Variants in MACROD2 observed in about 807,000 individuals in gnomAD.
MACROD2 encodes the protein ADP-ribose glycohydrolase MACROD2.
Under a neutral mutation model 70.4 loss-of-function variants are expected in MACROD2, and 36 were observed. That is an observed-to-expected ratio of 0.51 (90% CI 0.39 to 0.68). The LOEUF (loss-of-function observed/expected upper bound fraction) is 0.68, where lower values mean the gene tolerates loss of function less well. MACROD2 is among the 30% of genes least tolerant of loss of function. The pLI, the probability that MACROD2 is intolerant of heterozygous loss-of-function variation, is 0.00. For synonymous variants in MACROD2, 172 were observed against 178.8 expected, an observed-to-expected ratio of 0.96 and a Z score of 0.30; for missense variants, 496 against 538.4, an observed-to-expected ratio of 0.92 and a Z score of 0.78.
At chr20:14,850,301 A>G (rs999906205) in intron 5 of MACROD2, 4 of 169,756 alleles carry the variant, frequency 2.4e-5, no homozygotes, top group Non-Finnish European at 5.1e-5. Flanking sequence ...ATTCTGAGGA[A>G]TGTTCATAAA....
At chr20:14,714,574 T>C (rs2071376196) in intron 5 of MACROD2, among the ~76,000 whole-genome samples, 1 of 152,218 alleles carries the variant, frequency 6.6e-6, no homozygotes, top group South Asian at 2.1e-4. Flanking sequence ...TCCTTCACCC[T>C]GCTCACTCTT....
intron 8 of MACROD2, among the ~76,000 whole-genome samples, chr20:15,615,264 C>A (rs909689151): frequency 6.6e-6 from 1 of 152,146 alleles, no homozygotes; most frequent in Non-Finnish European, 1.5e-5. Context: ...AATTCACCCC[C>A]TCTCCATGTG....
chr20:15,013,968 G>A (rs975203942), intron 5 of MACROD2, among the ~76,000 whole-genome samples: 2 of 152,142 alleles, frequency 1.3e-5, no homozygotes, highest in African/African-American at 4.8e-5. Context: ...CCAAACACCA[G>A]TGAAAGCCAT....
chr20:14,054,748 A>G (rs920173803), intron 2 of MACROD2, among the ~76,000 whole-genome samples: 9 of 152,148 alleles, frequency 5.9e-5, no homozygotes, highest in African/African-American at 2.2e-4. Context: ...CAGATTTGGT[A>G]AAGAATTGCC....
intron 2 of MACROD2, among the ~76,000 whole-genome samples, chr20:14,080,967 A>G (rs2148666374): frequency 6.6e-6 from 1 of 152,326 alleles, no homozygotes; most frequent in South Asian, 2.1e-4. Flanking sequence ...CTTTCCTTGA[A>G]CAATAAGAGG....
At chr20:15,311,351 A>C (rs148102444) in intron 6 of MACROD2, among the ~76,000 whole-genome samples, 1 of 152,196 alleles carries the variant, frequency 6.6e-6, no homozygotes, top group East Asian at 1.9e-4. Context: ...GTAAATTACT[A>C]TCTCTCATTT....
intron 5 of MACROD2, among the ~76,000 whole-genome samples, chr20:14,896,086 G>A (rs2037224505): frequency 6.6e-6 from 1 of 152,142 alleles, no homozygotes; most frequent in Admixed American, 6.5e-5. Context: ...CACGAGGCCA[G>A]GAGTTCGAGA....
chr20:15,219,956 G>GAAAAA (rs11482499), intron 5 of MACROD2, among the ~76,000 whole-genome samples: 2 of 106,774 alleles, frequency 1.9e-5, no homozygotes, highest in Non-Finnish European at 3.8e-5. Flanking sequence ...ATCATCTCCT[G>GAAAAA]AAAAAAAAAA....
intron 5 of MACROD2, among the ~76,000 whole-genome samples, chr20:14,864,423 A>T (rs996770820): frequency 4.6e-5 from 7 of 151,994 alleles, no homozygotes; most frequent in African/African-American, 1.2e-4. Context: ...AAATCAGTAA[A>T]TTTTTTTATA....
chr20:15,873,688 AGAAG>A (rs530304658), intron 9 of MACROD2, among the ~76,000 whole-genome samples: 83 of 152,090 alleles, frequency 5.5e-4, no homozygotes, highest in African/African-American at 7.9e-4. Flanking sequence ...TAAAAAAGAA[AGAAG>A]GAAGGAAGGA....
chr20:14,995,954 G>A (rs1221281748), intron 5 of MACROD2, among the ~76,000 whole-genome samples: 1 of 152,052 alleles, frequency 6.6e-6, no homozygotes, highest in Non-Finnish European at 1.5e-5. Context: ...AGGTAATAAA[G>A]GTAAGATAAA....
intron 3 of MACROD2, among the ~76,000 whole-genome samples, chr20:14,349,893 C>T (rs899321214): frequency 6.7e-6 from 1 of 149,626 alleles, no homozygotes; most frequent in Non-Finnish European, 1.5e-5. Flanking sequence ...GAACTACAGG[C>T]ATGCACCACC....
At chr20:14,757,464 G>T (rs545361134) in intron 5 of MACROD2, 2 of 486,000 alleles carry the variant, frequency 4.1e-6, no homozygotes, top group Admixed American at 3.4e-5. Flanking sequence ...GGACAATAAC[G>T]TTATTTTTCT....
intron 6 of MACROD2, among the ~76,000 whole-genome samples, chr20:15,299,321 C>A (rs2077620497): frequency 6.6e-6 from 1 of 152,174 alleles, no homozygotes; most frequent in Non-Finnish European, 1.5e-5. Flanking sequence ...CATTTAAAAT[C>A]TCTTAAGCAG....
At chr20:14,272,557 C>T (rs1434317952) in intron 3 of MACROD2, among the ~76,000 whole-genome samples, 1 of 152,002 alleles carries the variant, frequency 6.6e-6, no homozygotes, top group Non-Finnish European at 1.5e-5. Context: ...ATTGTAAAGA[C>T]CATCGAGACT....
chr20:14,395,236 T>C (rs1462332941), intron 3 of MACROD2, among the ~76,000 whole-genome samples: 1 of 152,084 alleles, frequency 6.6e-6, no homozygotes. Flanking sequence ...ATTATTAGTT[T>C]GTTTTTTGTG....
At chr20:16,037,320 A>G (rs2067248864) in intron 15 of MACROD2, among the ~76,000 whole-genome samples, 1 of 152,006 alleles carries the variant, frequency 6.6e-6, no homozygotes, top group South Asian at 2.1e-4. Flanking sequence ...TGCCTATTAG[A>G]TAGAAAGTTC....
chr20:16,019,237 G>A (rs899907643), intron 15 of MACROD2, among the ~76,000 whole-genome samples: 1 of 152,148 alleles, frequency 6.6e-6, no homozygotes, highest in Non-Finnish European at 1.5e-5. Context: ...AGAATAAAAG[G>A]TATAAAATGG....
Position 15,937,569 on chromosome 20 carries a change from A to G in MACROD2, c.907+25A>G, listed in dbSNP as rs200125074. On this transcript the variant is annotated intron_variant, in intron 12 of 17. Transcript: ENST00000684519. ...GGTATGAGGCTACTAACTATATCTA[A>G]TAATTGCAGACTCTTAAAAGAGACT... The G allele has an allele frequency of 2.7e-4, 438 of 1,598,840 alleles. 2 individuals carry two copies. Among genetic ancestry groups the G allele is most frequent in the Non-Finnish European group, 5.8e-5 (68 of 1,166,466 alleles).
Sources: gnomAD v4.1 joint callset for allele counts (sites outside exome capture counted in the v4.1 genomes callset) on GRCh38, gnomAD v4.1.1 for gene constraint, MANE v1.5 for transcripts, NCBI Gene and HGNC (gene_info 2026-07-23, HGNC 2026-07-21) for gene names.